MIER3: variants seen among roughly 807,000 people sequenced by gnomAD.
MIER3 encodes the protein mesoderm induction early response protein 3.
A neutral mutation model predicts 63.2 loss-of-function variants in MIER3; 9 were observed. That is an observed-to-expected ratio of 0.14 (90% CI 0.09 to 0.25). The LOEUF (loss-of-function observed/expected upper bound fraction) is 0.25, where lower values mean the gene tolerates loss of function less well. MIER3 is among the 10% of genes least tolerant of loss of function. The probability of loss-of-function intolerance (pLI) is 1.00; values close to 1 mark genes in which losing one functional copy is unlikely to be tolerated. For missense variants in MIER3, 512 were observed against 666.2 expected (o/e 0.77, Z 2.55); for synonymous variants, 205 against 224.9 (o/e 0.91, Z 0.79).
At chr5:56,928,960 CT>C in intron 9 of MIER3, 99 bp from the exon 10 acceptor site, 1 of 378,386 alleles carries the variant, frequency 2.6e-6, no homozygotes. Context: ...CACAAACTCT[CT>C]CTCTCTCTCA....
At chr5:56,943,147 A>C (rs1426505873) in intron 3 of MIER3, among the ~76,000 whole-genome samples, 1 of 152,070 alleles carries the variant, frequency 6.6e-6, no homozygotes, top group Non-Finnish European at 1.5e-5. Context: ...CATCTCTAAA[A>C]AAGTAATTAT....
intron 9 of MIER3, 65 bp downstream of exon 9, chr5:56,930,599 G>T: frequency 7.6e-7 from 1 of 1,321,630 alleles, no homozygotes; most frequent in Non-Finnish European, 1.1e-6. Context: ...AGGATACTTT[G>T]CTTATTCTGA....
At chr5:56,939,099 A>G in intron 3 of MIER3, 82 bp from the exon 4 acceptor site, 1 of 1,415,518 alleles carries the variant, frequency 7.1e-7, no homozygotes, top group Non-Finnish European at 9.5e-7. Flanking sequence ...CCTTAGGTTC[A>G]GAAAGCACAT....
chr5:56,935,974 C>A (rs1750429133), intron 5 of MIER3, among the ~76,000 whole-genome samples: 1 of 152,078 alleles, frequency 6.6e-6, no homozygotes, highest in Non-Finnish European at 1.5e-5. Context: ...TGGCTGTAAT[C>A]CTAGCACTTT....
At chr5:56,941,015 G>A in intron 3 of MIER3, 4 of 985,332 alleles carry the variant, frequency 4.1e-6, no homozygotes, top group Non-Finnish European at 4.8e-6. Flanking sequence ...TGCACTGATG[G>A]TCCACCTTCC....
At chr5:56,927,735 G>T (rs1579838947) in intron 10 of MIER3, 1 of 152,150 alleles carries the variant, frequency 6.6e-6, no homozygotes, top group East Asian at 1.9e-4. Context: ...AAAGACCATG[G>T]TTTACATTAG....
At chr5:56,935,369 C>A (rs1399197172) in intron 7 of MIER3, 59 bp downstream of exon 7, 3 of 1,273,346 alleles carry the variant, frequency 2.4e-6, no homozygotes, top group East Asian at 4.8e-5. Flanking sequence ...TATTTAAATA[C>A]ACTTATCAAG....
chr5:56,950,305 G>A (rs1425506580), intron 2 of MIER3, among the ~76,000 whole-genome samples: 5 of 152,200 alleles, frequency 3.3e-5, no homozygotes, highest in Non-Finnish European at 7.3e-5. Flanking sequence ...AATCTAAATT[G>A]CTAAAGTTGG....
intron 3 of MIER3, among the ~76,000 whole-genome samples, chr5:56,946,697 C>T (rs1053133498): frequency 2.0e-5 from 3 of 151,866 alleles, no homozygotes; most frequent in Non-Finnish European, 4.4e-5. Flanking sequence ...CTGTAAAATG[C>T]CTACGTGTAC....
intron 3 of MIER3, among the ~76,000 whole-genome samples, chr5:56,941,938 G>C (rs898581083): frequency 1.3e-5 from 2 of 152,134 alleles, no homozygotes; most frequent in Non-Finnish European, 2.9e-5. Flanking sequence ...GGACTCCCCA[G>C]TTTTCTATTT....
At chr5:56,946,870 T>A in intron 3 of MIER3, 56 bp downstream of exon 3, 1 of 1,280,932 alleles carries the variant, frequency 7.8e-7, no homozygotes, top group Non-Finnish European at 1.0e-6. Flanking sequence ...ATTTTTAAAA[T>A]TACAACAGAA....
chr5:56,941,150 T>G, intron 3 of MIER3: 1 of 985,378 alleles, frequency 1.0e-6, no homozygotes, highest in South Asian at 4.7e-5. Flanking sequence ...AGGAACTTAG[T>G]GGGAGTAAGT....
chr5:56,940,127 C>T (rs956057799), intron 3 of MIER3, among the ~76,000 whole-genome samples: 9 of 151,998 alleles, frequency 5.9e-5, no homozygotes, highest in South Asian at 2.1e-4. Flanking sequence ...GTCAGGAGTT[C>T]GAGACCAGCC....
chr5:56,930,608 G>T, intron 9 of MIER3, 56 bp downstream of exon 9: 3 of 1,440,562 alleles, frequency 2.1e-6, no homozygotes, highest in Non-Finnish European at 2.0e-6. Context: ...TGCTTATTCT[G>T]ATCCCCAAAT....
chr5:56,944,467 C>T (rs1484967915), intron 3 of MIER3, among the ~76,000 whole-genome samples: 2 of 150,896 alleles, frequency 1.3e-5, no homozygotes, highest in African/African-American at 4.9e-5. Context: ...GGCGACAGAG[C>T]GAGACTCCGT....
intron 9 of MIER3, 100 bp downstream of exon 9, chr5:56,930,564 G>C: frequency 1.1e-6 from 1 of 939,572 alleles, no homozygotes; most frequent in African/African-American, 1.6e-5. Flanking sequence ...TCTTACAAAA[G>C]TGTTACAGGA....
At chr5:56,927,006 A>G (rs916556318) in intron 10 of MIER3, among the ~76,000 whole-genome samples, 3 of 152,232 alleles carry the variant, frequency 2.0e-5, no homozygotes, top group Non-Finnish European at 4.4e-5. Context: ...TGCATACTGT[A>G]TAATTCCAAC....
intron 2 of MIER3, among the ~76,000 whole-genome samples, chr5:56,947,795 A>G (rs1750877269): frequency 6.6e-6 from 1 of 152,192 alleles, no homozygotes; most frequent in Admixed American, 6.5e-5. Context: ...AGATATATCC[A>G]TTGCAAGTTG....
intron 5 of MIER3, 48 bp from the exon 6 acceptor site, chr5:56,935,799 AC>A: frequency 7.1e-7 from 1 of 1,408,806 alleles, no homozygotes; most frequent in Non-Finnish European, 1.0e-6. Flanking sequence ...TTTTTGCAGA[AC>A]CTGGAAGAAT....
Sources: allele counts gnomAD v4.1 joint callset (sites outside exome capture counted in the v4.1 genomes callset), GRCh38; gene constraint gnomAD v4.1.1; transcripts MANE v1.5; gene names NCBI Gene and HGNC (gene_info 2026-07-23, HGNC 2026-07-21).